Variants in GRIPAP1 observed in about 807,000 individuals in gnomAD.
GRIPAP1 encodes the protein GRIP1 associated protein 1, also known as GRIP1-associated protein 1.
A neutral mutation model predicts 84.1 loss-of-function variants in GRIPAP1; 14 were observed. That is an observed-to-expected ratio of 0.17 (90% CI 0.11 to 0.26). The LOEUF is 0.26. GRIPAP1 is among the 10% of genes least tolerant of loss of function. The probability of loss-of-function intolerance (pLI) is 1.00; values close to 1 mark genes in which losing one functional copy is unlikely to be tolerated. For missense variants in GRIPAP1, 518 were observed against 674.2 expected (o/e 0.77, Z 2.57); for synonymous variants, 261 against 256.8 (o/e 1.02, Z -0.15).
chrX:48,983,094 T>G lies in GRIPAP1; in HGVS notation c.1486-2A>C. 1 of 1,180,635 alleles carries G rather than the reference T, an allele frequency of 8.5e-7. No individual in the cohort carries two copies. Among genetic ancestry groups the G allele is most frequent in the Non-Finnish European group, 1.2e-6 (1 of 866,758 alleles). ...AGTCTCCAGCTCCCGTGTCCGGGCC[T>G]GGGATGGGGCAGACTGTCATGGGCC... is the stretch of plus-strand genomic sequence containing the variant. On this transcript the variant is annotated splice_acceptor_variant, in intron 16 of 25. Transcript: ENST00000376423. LOFTEE classifies it high-confidence loss of function.
In GRIPAP1 at chrX:48,974,131, G is replaced by A. The variant is rs1460940351; in HGVS notation, c.*62C>T. The A allele has an allele frequency of 3.8e-6, 3 of 784,601 alleles. No individual in the cohort carries two copies. Among genetic ancestry groups the A allele is most frequent in the African/African-American group, 4.1e-5 (2 of 48,662 alleles). The allele number at this position is 784,601 out of a possible 1,213,427, so 64.7% of individuals were successfully genotyped here. A position where few individuals can be genotyped will look rare whatever the true frequency, so the allele number is the denominator to read the frequency against. On this transcript the variant is annotated 3_prime_UTR_variant, in exon 26 of 26. Coordinates refer to ENST00000376423, the MANE Select transcript of GRIPAP1 (RefSeq NM_020137.5). ...CTCCAGCCCTCATTTTTCCACCACA[G>A]CCCAAGGGAATAGCATCCTAGGGGG...
At chrX:49,001,845 G>A (rs1282483530) in intron 1 of GRIPAP1, among the ~76,000 whole-genome samples, 1 of 109,952 alleles carries the variant, frequency 9.1e-6, no homozygotes, top group South Asian at 3.9e-4. Flanking sequence ...AAATGGTTTC[G>A]CCTTCTCAGG....
intron 2 of GRIPAP1, 39 bp from the exon 3 acceptor site, chrX:48,999,338 T>C (rs1557067712): frequency 8.6e-7 from 1 of 1,165,280 alleles, no homozygotes. Context: ...CCTCAGCCAG[T>C]GGCAAGAAAC....
chrX:48,987,954 GACACACACACACACACACACAC>G (rs781921365), intron 12 of GRIPAP1, 77 bp from the exon 13 acceptor site: 101 of 358,027 alleles, frequency 2.8e-4, no homozygotes, highest in African/African-American at 7.9e-4. Flanking sequence ...AGAAAGAAAG[GACACACACACACACACACACAC>G]ACACACACAC....
chrX:48,979,505 A>AAAAG (rs2064443413), intron 21 of GRIPAP1, among the ~76,000 whole-genome samples: 18 of 1,374 alleles, frequency 0.013, 5 homozygotes, highest in Non-Finnish European at 0.016. Context: ...AAAAAAAAGA[A>AAAAG]ATGCAAGCAG....
intron 6 of GRIPAP1, among the ~76,000 whole-genome samples, chrX:48,992,037 T>C (rs782280916): frequency 9.2e-6 from 1 of 108,973 alleles, no homozygotes; most frequent in African/African-American, 3.3e-5. Context: ...ACTGAGTCTT[T>C]CTCTGTCACC....
At chrX:48,982,099 C>T (rs2064461002) in intron 17 of GRIPAP1, among the ~76,000 whole-genome samples, 1 of 112,539 alleles carries the variant, frequency 8.9e-6, no homozygotes, top group African/African-American at 3.2e-5. Flanking sequence ...CAAAACATAG[C>T]GCTTACTACA....
chrX:48,980,812 G>A (rs894045028), intron 21 of GRIPAP1: 2 of 151,690 alleles, frequency 1.3e-5, no homozygotes, highest in Non-Finnish European at 2.5e-5. Context: ...GAATCCAGGA[G>A]GCAGAGGTTG....
chrX:48,993,369 C>G, intron 6 of GRIPAP1, 59 bp downstream of exon 6: 1 of 1,007,815 alleles, frequency 9.9e-7, no homozygotes, highest in Non-Finnish European at 1.3e-6. Context: ...AGGATGACGG[C>G]CTTCCTTGCC....
chrX:48,988,931 G>T (rs2064506230), intron 11 of GRIPAP1, among the ~76,000 whole-genome samples: 1 of 110,657 alleles, frequency 9.0e-6, no homozygotes, highest in African/African-American at 3.3e-5. Context: ...ACCTTTTCTA[G>T]AAGGAAACCC....
intron 21 of GRIPAP1, among the ~76,000 whole-genome samples, chrX:48,980,368 G>A (rs1314452348): frequency 9.1e-6 from 1 of 109,470 alleles, no homozygotes; most frequent in Admixed American, 9.9e-5. Flanking sequence ...AGCTCAACTG[G>A]GGGCTTCTAG....
At chrX:48,992,827 CT>C (rs1313693299) in intron 6 of GRIPAP1, among the ~76,000 whole-genome samples, 25 of 106,512 alleles carry the variant, frequency 2.3e-4, no homozygotes, top group Admixed American at 3.0e-4. Context: ...CAAATATCTC[CT>C]TTTTTTTTTT....
chrX:48,987,805 T>C lies in GRIPAP1; in HGVS notation c.1021A>G (p.Ser341Gly), dbSNP rs782500347. ...LLAENNALRT[S>G]LAALEQIQTA... The stretch of plus-strand genomic sequence containing the variant: ...TTTACCTGCTCCAGGGCAGCCAGGC[T>C]AGTCCTCAAGGCATTGTTCTCAGCC... Residue 341 changes from serine to glycine, a missense_variant, in exon 13 of 26, where the codon AGC becomes GGC. Around this residue, in one of 5 missense-constraint regions of GRIPAP1, gnomAD observed 372 missense variants for 458.1 expected, o/e 0.81. Transcript: ENST00000376423. The C allele has an allele frequency of 8.4e-7, 1 of 1,197,191 alleles. No individual in the cohort carries two copies.
Position 48,974,236 on chromosome X carries a change from A to C in GRIPAP1, c.2483T>G (p.Val828Gly). 1.7e-6 allele frequency: 2 copies of C among 1,208,846 alleles called. No individual in the cohort carries two copies. The highest frequency in any genetic ancestry group is 2.2e-6 in the Non-Finnish European group (2 of 892,977). Residue 828 changes from valine to glycine, a missense_variant, in exon 26 of 26, where the codon GTG (valine) becomes GGG (glycine). Around this residue, in one of 5 missense-constraint regions of GRIPAP1, gnomAD observed 30 missense variants for 23.8 expected, o/e 1.26. Coordinates refer to ENST00000376423, the MANE Select transcript of GRIPAP1 (RefSeq NM_020137.5). ...QEIVRLSKECVGPPDPDLEPG... is the reference protein window; with the variant it reads ...QEIVRLSKECGGPPDPDLEPG... ...CTCTAGGTCTGGGTCAGGAGGCCCC[A>C]CGCACTCCTTGCTGAGCCGCACAAT... is the stretch of plus-strand genomic sequence containing the variant.
intron 6 of GRIPAP1, among the ~76,000 whole-genome samples, chrX:48,991,974 C>A (rs2064523006): frequency 8.9e-6 from 1 of 111,946 alleles, no homozygotes; most frequent in Non-Finnish European, 1.9e-5. Flanking sequence ...CAAGTGCACA[C>A]CATGCCCAGT....
At chrX:48,975,840 A>C (rs1167092783) in intron 24 of GRIPAP1, 178 bp downstream of exon 24, 12 of 440,203 alleles carry the variant, frequency 2.7e-5, no homozygotes, top group Non-Finnish European at 4.8e-5. Flanking sequence ...GAAAGAGAGA[A>C]GAGGGAGGAG....
chrX:48,979,461 A>C (rs1557061451), intron 21 of GRIPAP1, among the ~76,000 whole-genome samples: 1 of 56,492 alleles, frequency 1.8e-5, no homozygotes, highest in African/African-American at 7.2e-5. Flanking sequence ...TGGGCGACAG[A>C]GCGAGACTCC....
Sources: gnomAD v4.1 joint callset for allele counts (sites outside exome capture counted in the v4.1 genomes callset) on GRCh38, gnomAD v4.1.1 for gene constraint, gnomAD v4.1.1 regional missense constraint, MANE v1.5 for transcripts, NCBI Gene and HGNC (gene_info 2026-07-23, HGNC 2026-07-21) for gene names.